GP6: variants seen among roughly 807,000 people sequenced by gnomAD.
GP6 encodes the protein platelet glycoprotein VI.
In GP6, 45 loss-of-function variants were observed where a neutral mutation model predicts 37.3. The observed-to-expected ratio is 1.21, with a 90% CI of 0.95 to 1.55. The LOEUF is 1.55. Ranked by LOEUF, GP6 falls within the 40% of genes most tolerant of loss-of-function variation. The pLI is 0.00. For missense variants in GP6, 813 were observed against 760.2 expected (o/e 1.07, Z -0.82); for synonymous variants, 340 against 316.4 (o/e 1.07, Z -0.79).
At chr19:55,025,364 G>GA in intron 4 of GP6, 93 bp from the exon 5 acceptor site, 1 of 825,048 alleles carries the variant, frequency 1.2e-6, no homozygotes, top group Non-Finnish European at 2.1e-6. Flanking sequence ...TTCCTCACCG[G>GA]AAAAATGAGC....
At chr19:55,035,052 C>G (rs888801777) in intron 1 of GP6, among the ~76,000 whole-genome samples, 1 of 152,172 alleles carries the variant, frequency 6.6e-6, no homozygotes, top group African/African-American at 2.4e-5. Flanking sequence ...GTCTTCCAGG[C>G]GCCGTGCTGA....
chr19:55,027,901 C>T (rs756010188), intron 3 of GP6, 39 bp from the exon 4 acceptor site: 8 of 1,605,982 alleles, frequency 5.0e-6, no homozygotes, highest in South Asian at 3.3e-5. Flanking sequence ...AGGCAGGAGC[C>T]AGCATCTCAG....
chr19:55,036,262 GA>G (rs913388821), intron 1 of GP6, among the ~76,000 whole-genome samples: 144 of 152,228 alleles, frequency 9.5e-4, no homozygotes, highest in African/African-American at 3.1e-3. Flanking sequence ...GGGAAGGGCA[GA>G]AGTGGGGCAG....
intron 6 of GP6, 23 bp downstream of exon 6, chr19:55,018,629 G>A: frequency 7.2e-7 from 1 of 1,387,766 alleles, no homozygotes; most frequent in Admixed American, 1.7e-5. Flanking sequence ...TTTCTGCTGA[G>A]CATGAAATGC....
Position 55,014,990 on chromosome 19 carries a change from C to T in GP6, c.955G>A (p.Asp319Asn), listed in dbSNP as rs939231389. The T allele has an allele frequency of 3.1e-6, 5 of 1,612,840 alleles. No homozygotes were observed. Among genetic ancestry groups the T allele is most frequent in the Non-Finnish European group, 3.4e-6 (4 of 1,179,632 alleles). ...CCTGACCCCCGTTTGATTTCCGGGTCAGCGGGAGGGGCGGGAGGGGCGGAA... is the reference window on the plus strand; with the variant it reads ...CCTGACCCCCGTTTGATTTCCGGGTTAGCGGGAGGGGCGGGAGGGGCGGAA... The change falls in exon 8 of 8, where the codon GAC (aspartate) becomes AAC (asparagine). Residue 319 changes from aspartate (D) to asparagine (N), a missense_variant. Coordinates refer to ENST00000310373, the MANE Select transcript of GP6 (RefSeq NM_001083899.2).
At chr19:55,022,712 A>T (rs1465016460) in intron 5 of GP6, among the ~76,000 whole-genome samples, 2 of 152,230 alleles carry the variant, frequency 1.3e-5, no homozygotes, top group African/African-American at 4.8e-5. Context: ...CTATACACCA[A>T]CAATAGACAG....
chr19:55,029,536 A>T (rs1331196491), intron 3 of GP6, among the ~76,000 whole-genome samples: 1 of 150,150 alleles, frequency 6.7e-6, no homozygotes, highest in South Asian at 2.1e-4. Context: ...GACTACAGGC[A>T]TGCACCACCA....
Position 55,015,028 on chromosome 19 carries a change from C to A in GP6, c.917G>T (p.Cys306Phe). 3 of 1,611,512 alleles carry A rather than the reference C, an allele frequency of 1.9e-6. No individual in the cohort carries two copies. Among genetic ancestry groups the A allele is most frequent in the Non-Finnish European group, 2.5e-6 (3 of 1,179,050 alleles). ...GGGAGGGGCGGAAGCGGCCTCTGCA[C>A]AGCCCTGCCCCTGTGCCGCAGGCGC... is the stretch of plus-strand genomic sequence containing the variant. Residue 306 changes from cysteine to phenylalanine, a missense_variant, in exon 8 of 8, where the codon TGT becomes TTT. Physicochemically the swap from Cys to Phe is radical, Grantham distance 205 (BLOSUM62 -2). Coordinates refer to ENST00000310373, the MANE Select transcript of GP6 (RefSeq NM_001083899.2).
intron 3 of GP6, among the ~76,000 whole-genome samples, chr19:55,029,721 T>TGAAA (rs76741356): frequency 1.4e-5 from 2 of 147,976 alleles, no homozygotes; most frequent in Non-Finnish European, 3.0e-5. Context: ...ACCACCAAGA[T>TGAAA]AAAAAAAGGT....
chr19:55,016,708 C>T (rs1281582990), intron 6 of GP6, among the ~76,000 whole-genome samples: 1 of 151,896 alleles, frequency 6.6e-6, no homozygotes, highest in Non-Finnish European at 1.5e-5. Context: ...TCTCCTGAGA[C>T]TCGCCAGGTA....
chr19:55,024,295 C>CGCACACACACACGCAT (rs2074198489), intron 5 of GP6, among the ~76,000 whole-genome samples: 1 of 144,770 alleles, frequency 6.9e-6, no homozygotes, highest in African/African-American at 2.7e-5. Context: ...CACATATGCA[C>CGCACACACACACGCAT]GCATGCACAC....
At chr19:55,019,678 CT>C (rs770367312) in intron 5 of GP6, among the ~76,000 whole-genome samples, 113 of 126,730 alleles carry the variant, frequency 8.9e-4, no homozygotes, top group African/African-American at 1.6e-3. Context: ...TTCTTTTTTT[CT>C]TTTTTTTTTT....
At chr19:55,031,227 T>C (rs1346710635) in intron 3 of GP6, among the ~76,000 whole-genome samples, 1 of 152,206 alleles carries the variant, frequency 6.6e-6, no homozygotes. Flanking sequence ...ATTAATATTA[T>C]CTTTGGAACT....
chr19:55,014,746 G>C lies in GP6; in HGVS notation c.1199C>G (p.Ser400Cys), dbSNP rs759087504. The C allele has an allele frequency of 1.2e-6, 2 of 1,613,904 alleles. No individual in the cohort carries two copies. The highest frequency in any genetic ancestry group is 1.7e-6 in the Non-Finnish European group (2 of 1,179,962). ...CCTCAGACAGAGAGGCAGACAGACA[G>C]ACAGACACTGGCCGAACGGCTCCCT... The change falls in exon 8 of 8, where the codon TCT (serine) becomes TGT (cysteine). Residue 400 changes from serine (S) to cysteine (C), a missense_variant. Ser to Cys is a moderately radical substitution (Grantham distance 112). Transcript: ENST00000310373.
intron 5 of GP6, among the ~76,000 whole-genome samples, chr19:55,021,667 C>T (rs1341080415): frequency 1.3e-5 from 2 of 151,612 alleles, no homozygotes; most frequent in Admixed American, 6.6e-5. Context: ...ACTACAGGCG[C>T]CCGCCACCAC....
chr19:55,035,833 G>T (rs1430244256), intron 1 of GP6, among the ~76,000 whole-genome samples: 1 of 152,120 alleles, frequency 6.6e-6, no homozygotes, highest in African/African-American at 2.4e-5. Flanking sequence ...CCAGCACTCT[G>T]GGAGGCCGAG....
intron 5 of GP6, among the ~76,000 whole-genome samples, chr19:55,024,660 T>G (rs1485488956): frequency 1.3e-5 from 2 of 152,138 alleles, no homozygotes; most frequent in Admixed American, 6.5e-5. Context: ...GCAGTGGTTC[T>G]CAAAGCAGCA....
chr19:55,015,804 A>C (rs1568592154), intron 6 of GP6, 71 bp from the exon 7 acceptor site: 2 of 782,540 alleles, frequency 2.6e-6, no homozygotes, highest in Non-Finnish European at 4.6e-6. Flanking sequence ...GCCTACTCCG[A>C]ACACACACAC....
chr19:55,037,001 C>T lies in GP6; in HGVS notation c.34+1202G>A, dbSNP rs145814855. Among the ~76,000 whole-genome samples, 826 of 152,128 alleles carry T rather than the reference C, an allele frequency of 5.4e-3. 7 individuals carry two copies. The highest frequency in any genetic ancestry group is 0.018 in the African/African-American group (733 of 41,532). On this transcript the variant is annotated intron_variant, in intron 1 of 7. Coordinates refer to ENST00000310373, the MANE Select transcript of GP6 (RefSeq NM_001083899.2). ...ATTCCAGCCTGAGCGACCGACTGAGCGAGACTCCATCTCAAAAAACAAACA... is the reference window on the plus strand; with the variant it reads ...ATTCCAGCCTGAGCGACCGACTGAGTGAGACTCCATCTCAAAAAACAAACA...
Sources: allele counts gnomAD v4.1 joint callset (sites outside exome capture counted in the v4.1 genomes callset), GRCh38; gene constraint gnomAD v4.1.1; transcripts MANE v1.5; gene names NCBI Gene and HGNC (gene_info 2026-07-23, HGNC 2026-07-21).